Variants in PDCD6 observed in about 807,000 individuals in gnomAD.
The protein encoded by PDCD6 is programmed cell death protein 6.
A neutral mutation model predicts 28.3 loss-of-function variants in PDCD6; 12 were observed. That is an observed-to-expected ratio of 0.42 (90% CI 0.27 to 0.69). The LOEUF is 0.69. Among genes scored for constraint, PDCD6 ranks in the 30% least tolerant of loss-of-function variants. The pLI is 0.22. For missense variants in PDCD6, 226 were observed against 269.9 expected, an observed-to-expected ratio of 0.84 and a Z score of 1.14; for synonymous variants, 92 against 108.0, an observed-to-expected ratio of 0.85 and a Z score of 0.92.
At chr5:303,518 C>G (rs760535413) in intron 2 of PDCD6, among the ~76,000 whole-genome samples, 7 of 151,780 alleles carry the variant, frequency 4.6e-5, no homozygotes, top group Non-Finnish European at 7.4e-5. Context: ...GTATCAGATT[C>G]AACGATGAGT....
chr5:296,253 A>G (rs1219319007), intron 2 of PDCD6, among the ~76,000 whole-genome samples: 2 of 152,126 alleles, frequency 1.3e-5, no homozygotes, highest in Non-Finnish European at 2.9e-5. Flanking sequence ...CTGCTGCTCG[A>G]CCCTCAGATA....
rs541801161 is a variant in PDCD6 at position 307,684 on chromosome 5, C to T, written c.367+924C>T. Reference sequence around the variant, plus strand: ...TCTCATCTGGCCCCTGTTGTGAAGCCGCTTCCGTGATTTGCTTAAAAGGCT... The same window carrying T: ...TCTCATCTGGCCCCTGTTGTGAAGCTGCTTCCGTGATTTGCTTAAAAGGCT... On this transcript the variant is annotated intron_variant, in intron 4 of 5. Coordinates refer to ENST00000264933, the MANE Select transcript of PDCD6 (RefSeq NM_013232.4). This position sits in a 1 kb window ranked among gnomAD's most constrained non-coding sequence, Gnocchi z 6.1. Among the ~76,000 whole-genome samples the T allele has an allele frequency of 1.6e-4, 24 of 152,122 alleles. No individual in the cohort carries two copies. Among genetic ancestry groups the T allele is most frequent in the Middle Eastern group, 3.2e-3 (1 of 316 alleles).
chr5:296,969 A>AC (rs1739656804), intron 2 of PDCD6, among the ~76,000 whole-genome samples: 3 of 151,702 alleles, frequency 2.0e-5, no homozygotes, highest in African/African-American at 4.9e-5. Context: ...CTGGTGCCCG[A>AC]CCCCCCACGC....
chr5:286,559 C>A (rs1450158250), intron 2 of PDCD6, among the ~76,000 whole-genome samples: 6 of 151,076 alleles, frequency 4.0e-5, no homozygotes, highest in Admixed American at 1.3e-4. Flanking sequence ...GCTGGAGACC[C>A]GTGGGGGAGC....
rs11949027 is a variant in PDCD6 at position 302,437 on chromosome 5, G to A, written c.164-1740G>A. ...GTTCAGGTGCACCTGCCTTTGTGGG[G>A]AGAGCACAGCTTCCCTGCATAACTG... is the stretch of plus-strand genomic sequence containing the variant. On this transcript the variant is annotated intron_variant, in intron 2 of 5. Transcript: ENST00000264933. 9.4e-4 allele frequency among the ~76,000 whole-genome samples: 80 copies of A among 85,072 alleles called. No individual in the cohort carries two copies. The Middle Eastern group carries it at 0.031, about 33-fold the overall frequency. 55.8% of individuals were successfully genotyped at this position (85,072 alleles called of 152,430 possible).
In PDCD6 at chr5:313,403, G is replaced by T. The variant is rs549406647; in HGVS notation, c.478-1014G>T. Among the ~76,000 whole-genome samples, 441 of 152,278 alleles carry T rather than the reference G, an allele frequency of 2.9e-3. 1 individual carries two copies. The highest frequency in any genetic ancestry group is 0.01 in the Middle Eastern group (3 of 294). ...ATCCATTGCGGTGCTTTTGGAGTTG[G>T]GTGAGGCCGTAGCCTCTGCCAAGTC... On this transcript the variant is annotated intron_variant, in intron 5 of 5. Coordinates refer to ENST00000264933, the MANE Select transcript of PDCD6 (RefSeq NM_013232.4).
intron 2 of PDCD6, chr5:289,987 C>T: frequency 6.2e-7 from 1 of 1,600,336 alleles, no homozygotes; most frequent in African/African-American, 1.3e-5. Flanking sequence ...TGTATAGTTT[C>T]TCCTTGGATC....
At chr5:299,864 A>G (rs73032001) in intron 2 of PDCD6, among the ~76,000 whole-genome samples, 20,709 of 144,628 alleles carry the variant, frequency 0.14, 4,514 homozygotes, top group African/African-American at 0.47. Flanking sequence ...TTTTTTTTTT[A>G]TTTTTTTATC....
At position 302,394 on chromosome 5, in the gene PDCD6, T is replaced by TGCTG. The variant is rs201440843; in HGVS notation, c.164-1783_164-1782insGCTG. On this transcript the variant is annotated intron_variant, in intron 2 of 5. Transcript: ENST00000264933. ...TGGAGGGTGGGTCGTGGAGTGCTGC[T>TGCTG]CTGTGTGTATGCCTCAGGTTCAGGT... is the stretch of plus-strand genomic sequence containing the variant. 3.5e-5 allele frequency among the ~76,000 whole-genome samples: 4 copies of TGCTG among 115,900 alleles called. 1 individual carries two copies. Among genetic ancestry groups the TGCTG allele is most frequent in the African/African-American group, 1.3e-4 (3 of 22,284 alleles). 76.0% of individuals were successfully genotyped at this position (115,900 alleles called of 152,430 possible).
Position 275,094 on chromosome 5 carries a change from A to AC in PDCD6, c.163+2324dup, listed in dbSNP as rs202110026. On this transcript the variant is annotated intron_variant, in intron 2 of 5. Coordinates refer to ENST00000264933, the MANE Select transcript of PDCD6 (RefSeq NM_013232.4). ...TTTCATCTCTGTGGGATGAAGCCCC[A>AC]CCGCCCTTCAGGATGCAAAGCCCTC... Among the ~76,000 whole-genome samples the AC allele has an allele frequency of 6.3e-3, 951 of 151,814 alleles. 9 individuals carry two copies. Among genetic ancestry groups the AC allele is most frequent in the African/African-American group, 0.019 (804 of 41,424 alleles).
chr5:306,715 G>A lies in PDCD6; in HGVS notation c.322G>A (p.Gly108Arg), dbSNP rs377279142. The A allele has an allele frequency of 1.9e-5, 31 of 1,613,916 alleles. 1 individual carries two copies. The highest frequency in any genetic ancestry group is 3.3e-5 in the South Asian group (3 of 91,082). ...CCGCACGTACGACCGGGACAACTCCGGGATGATCGATAAGAACGAGCTGAA... is the reference window on the plus strand; with the variant it reads ...CCGCACGTACGACCGGGACAACTCCAGGATGATCGATAAGAACGAGCTGAA... ...VFRTYDRDNS[G>R]MIDKNELKQA... is the part of the protein sequence containing the mutation. The change falls in exon 4 of 6, where the codon GGG becomes AGG. Residue 108 changes from glycine (G) to arginine (R), a missense_variant. Gly to Arg is a moderately radical substitution (Grantham distance 125). This residue lies in a region of PDCD6 where 151 missense variants were observed against 177.2 expected (regional missense o/e 0.85). Coordinates refer to ENST00000264933, the MANE Select transcript of PDCD6 (RefSeq NM_013232.4).
intron 2 of PDCD6, among the ~76,000 whole-genome samples, chr5:285,346 G>A (rs1007616282): frequency 4.0e-5 from 6 of 148,274 alleles, no homozygotes; most frequent in African/African-American, 1.5e-4. Flanking sequence ...AGCTGATGTT[G>A]CAGTTTGAGG....
intron 4 of PDCD6, chr5:309,286 T>C (rs1385483050): frequency 6.4e-6 from 1 of 155,256 alleles, no homozygotes; most frequent in Non-Finnish European, 1.4e-5. Flanking sequence ...GGTGGCCTCA[T>C]GTGGACTGAC....
Position 272,117 on chromosome 5 carries a change from C to G in PDCD6, c.101+296C>G, listed in dbSNP as rs537519545. Among the ~76,000 whole-genome samples, 24 of 151,586 alleles carry G rather than the reference C, an allele frequency of 1.6e-4. No homozygotes were observed. The East Asian group carries it at 4.4e-3, about 28-fold the overall frequency. On this transcript the variant is annotated intron_variant, in intron 1 of 5. Transcript: ENST00000264933. ...CCCTGTCCTGTGCGTCGGGCCCTTC[C>G]CAAGATGCAGAGTGCGCCACTGCAG...
intron 2 of PDCD6, among the ~76,000 whole-genome samples, chr5:277,779 G>A (rs1738292972): frequency 6.6e-6 from 1 of 151,950 alleles, no homozygotes. Flanking sequence ...GCCGGGAATG[G>A]TGGTGCGCGC....
chr5:292,560 G>T (rs566481330), intron 2 of PDCD6, among the ~76,000 whole-genome samples: 1 of 152,130 alleles, frequency 6.6e-6, no homozygotes, highest in Non-Finnish European at 1.5e-5. Context: ...TGCCTGGCCT[G>T]CCTTTTTCTT....
rs1007116941 is a variant in PDCD6 at position 305,579 on chromosome 5, T to C, written c.209-1023T>C. On this transcript the variant is annotated intron_variant, in intron 3 of 5. Transcript: ENST00000264933. This position sits in a 1 kb window ranked among gnomAD's most constrained non-coding sequence, Gnocchi z 4.0. ...AGGAATGGCCTGGGAGCCACTCCTC[T>C]GCGGAGCCCTTACCCTGGGGTGCAG... The C allele has an allele frequency of 5.9e-5, 9 of 152,244 alleles. No individual in the cohort carries two copies. The highest frequency in any genetic ancestry group is 4.6e-4 in the Admixed American group (7 of 15,286). 9.4% of individuals were successfully genotyped at this position (152,244 alleles called of 1,614,324 possible).
rs189418336 is a variant in PDCD6, at chr5:272,791, A to G, written c.163+19A>G. 7.3e-7 allele frequency: 1 copy of G among 1,378,248 alleles called. No homozygotes were observed. The highest frequency in any genetic ancestry group is 2.0e-5 in the Admixed American group (1 of 50,980). The allele number at this position is 1,378,248 out of a possible 1,614,324, so 85.4% of individuals were successfully genotyped here. On this transcript the variant is annotated intron_variant, in intron 2 of 5. Coordinates refer to ENST00000264933, the MANE Select transcript of PDCD6 (RefSeq NM_013232.4). ...TCCAACGGTGAGTGGGCCAGTGGGAACTGGGTCTCCGGACCAAGAAGCCGC... is the reference window on the plus strand; with the variant it reads ...TCCAACGGTGAGTGGGCCAGTGGGAGCTGGGTCTCCGGACCAAGAAGCCGC...
chr5:304,322 C>T, intron 3 of PDCD6, 101 bp downstream of exon 3: 15 of 1,059,252 alleles, frequency 1.4e-5, no homozygotes, highest in Non-Finnish European at 2.0e-5. Context: ...CACTTTGCTC[C>T]CTTCTGGAAT....
Sources: allele counts gnomAD v4.1 joint callset (sites outside exome capture counted in the v4.1 genomes callset), GRCh38; gene constraint gnomAD v4.1.1; regional missense constraint gnomAD v4.1.1; non-coding constraint Gnocchi (gnomAD v3.1); transcripts MANE v1.5; gene names NCBI Gene and HGNC (gene_info 2026-07-23, HGNC 2026-07-21).